Variants in HIVEP2 observed in about 807,000 individuals in gnomAD.
The protein encoded by HIVEP2 is transcription factor HIVEP2.
Under a neutral mutation model 180.7 loss-of-function variants are expected in HIVEP2, and 14 were observed. The observed-to-expected ratio is 0.08, with a 90% CI of 0.05 to 0.12. HIVEP2 has a LOEUF of 0.12. Ranked by LOEUF, HIVEP2 falls within the 10% of genes least tolerant of loss-of-function variation. The pLI, the probability that HIVEP2 is intolerant of heterozygous loss-of-function variation, is 1.00. For missense variants in HIVEP2, 2,579 were observed against 3,008.5 expected (o/e 0.86, Z 3.34); for synonymous variants, 1,184 against 1,136.4 (o/e 1.04, Z -0.84).
intron 9 of HIVEP2, among the ~76,000 whole-genome samples, chr6:142,758,958 C>T (rs970744972): frequency 6.6e-6 from 1 of 152,054 alleles, no homozygotes; most frequent in African/African-American, 2.4e-5. Context: ...CTGGCCCTGA[C>T]CAGTTTCACA....
intron 1 of HIVEP2, among the ~76,000 whole-genome samples, chr6:142,840,255 C>G (rs974524864): frequency 3.3e-5 from 5 of 152,024 alleles, no homozygotes; most frequent in African/African-American, 1.2e-4. Context: ...TCTTGAAAAG[C>G]CCTCCCCTTG....
intron 3 of HIVEP2, among the ~76,000 whole-genome samples, chr6:142,781,973 G>A (rs1047695306): frequency 6.6e-6 from 1 of 152,144 alleles, no homozygotes; most frequent in Non-Finnish European, 1.5e-5. Context: ...CCTTACCTCA[G>A]GAAATTAATC....
chr6:142,769,517 C>T (rs369365828), intron 5 of HIVEP2, 35 bp downstream of exon 5: 5 of 1,567,016 alleles, frequency 3.2e-6, no homozygotes, highest in African/African-American at 2.7e-5. Flanking sequence ...ATCAAATCCA[C>T]AATACAAAGT....
At chr6:142,933,001 G>A (rs990988819) in intron 1 of HIVEP2, among the ~76,000 whole-genome samples, 11 of 152,084 alleles carry the variant, frequency 7.2e-5, no homozygotes, top group African/African-American at 2.4e-4. Flanking sequence ...CCTAAATAAG[G>A]CATCATTGCA....
chr6:142,787,426 C>T (rs967791068), intron 2 of HIVEP2, among the ~76,000 whole-genome samples: 1 of 151,984 alleles, frequency 6.6e-6, no homozygotes, highest in Admixed American at 6.5e-5. Flanking sequence ...AGAAGAGACA[C>T]TTTACTCTTA....
chr6:142,781,627 C>A lies in HIVEP2; in HGVS notation c.-433+1894G>T, dbSNP rs150180730. Among the ~76,000 whole-genome samples the A allele has an allele frequency of 7.6e-4, 115 of 152,258 alleles. 1 individual carries two copies. Among genetic ancestry groups the A allele is most frequent in the African/African-American group, 2.7e-3 (113 of 41,546 alleles). On this transcript the variant is annotated intron_variant, in intron 3 of 9. Coordinates refer to ENST00000367603, the MANE Select transcript of HIVEP2 (RefSeq NM_006734.4). ...AGAGATTACCTCTGCATGGCTATTT[C>A]AGTGGTAATGGAACTAAAGGAACTG...
intron 2 of HIVEP2, among the ~76,000 whole-genome samples, chr6:142,825,362 T>C (rs1324452581): frequency 6.6e-6 from 1 of 151,916 alleles, no homozygotes; most frequent in African/African-American, 2.4e-5. Context: ...CAGTGAAGGG[T>C]TGAGTTGCTT....
intron 1 of HIVEP2, among the ~76,000 whole-genome samples, chr6:142,875,644 A>C (rs1179615991): frequency 6.6e-6 from 1 of 152,144 alleles, no homozygotes; most frequent in African/African-American, 2.4e-5. Context: ...TACTGGATTA[A>C]ATGTGAGTCT....
intron 1 of HIVEP2, among the ~76,000 whole-genome samples, chr6:142,921,159 C>T (rs1466734562): frequency 6.6e-6 from 1 of 152,186 alleles, no homozygotes; most frequent in African/African-American, 2.4e-5. Flanking sequence ...AGCAGTGTGA[C>T]AAGATATTTA....
intron 2 of HIVEP2, among the ~76,000 whole-genome samples, chr6:142,796,493 G>A (rs185108240): frequency 3.3e-5 from 5 of 152,194 alleles, no homozygotes; most frequent in Middle Eastern, 3.4e-3. Context: ...AAAATCATAA[G>A]GAAGTGAAAA....
chr6:142,839,799 A>G (rs1040093333), intron 1 of HIVEP2, among the ~76,000 whole-genome samples: 2 of 152,110 alleles, frequency 1.3e-5, no homozygotes, highest in Admixed American at 6.6e-5. Flanking sequence ...ATAGACCTAA[A>G]TAACTCTTTT....
In HIVEP2 at chr6:142,769,991, T is replaced by C. The variant is rs1426254871; in HGVS notation, c.4748A>G (p.Gln1583Arg). The C allele has an allele frequency of 6.2e-7, 1 of 1,614,134 alleles. No homozygotes were observed. The highest frequency in any genetic ancestry group is 8.5e-7 in the Non-Finnish European group (1 of 1,180,042). ...ETASDMSMSP[Q>R]SSSLPAGDGQ... ...ATCTCCTGCTGGTAATGAAGAACTC[T>C]GTGGGCTCATGCTCATGTCCGATGC... is the stretch of plus-strand genomic sequence containing the variant. The change falls in exon 5 of 10, where the codon CAG becomes CGG. Residue 1583 changes from glutamine to arginine, a missense_variant. Physicochemically the swap from Gln to Arg is conservative, Grantham distance 43. Transcript: ENST00000367603.
chr6:142,918,039 C>T (rs1423888807), intron 1 of HIVEP2, among the ~76,000 whole-genome samples: 1 of 152,120 alleles, frequency 6.6e-6, no homozygotes, highest in Admixed American at 6.5e-5. Context: ...TCCCAAAGTG[C>T]TGGGATTATA....
At position 142,776,533 on chromosome 6, in the gene HIVEP2, T is replaced by C. The variant is rs564751031; in HGVS notation, c.-432-342A>G. On this transcript the variant is annotated intron_variant, in intron 3 of 9. Coordinates refer to ENST00000367603, the MANE Select transcript of HIVEP2 (RefSeq NM_006734.4). ...TTAAAAGTTGAGATACAGGCGTTTT[T>C]TGTTTTGTTTTTTTTGAGATAGAGT... is the stretch of plus-strand genomic sequence containing the variant. 2.6e-3 allele frequency among the ~76,000 whole-genome samples: 259 copies of C among 100,294 alleles called. 3 individuals carry two copies. The highest frequency in any genetic ancestry group is 8.6e-3 in the African/African-American group (238 of 27,792). 65.8% of individuals were successfully genotyped at this position (100,294 alleles called of 152,430 possible). A position where few individuals can be genotyped will look rare whatever the true frequency, so the allele number is the denominator to read the frequency against.
Position 142,773,749 on chromosome 6 carries a change from G to A in HIVEP2, c.990C>T (p.Ile330=), listed in dbSNP as rs1582845932. The A allele has an allele frequency of 1.2e-6, 2 of 1,613,978 alleles. No individual in the cohort carries two copies. The highest frequency in any genetic ancestry group is 1.7e-6 in the Non-Finnish European group (2 of 1,180,004). ...TAGGGAGAGGAATCCCACTTTTAGG[G>A]ATAATCAAAATCGGCACCTTCATTG... ...GGPMKVPILI[I]PKSGIPLPNE... The change falls in exon 5 of 10, where the codon ATC becomes ATT. Residue 330 remains isoleucine, a synonymous_variant. Transcript: ENST00000367603.
At chr6:142,814,162 CAT>C (rs755539368) in intron 2 of HIVEP2, among the ~76,000 whole-genome samples, 2 of 151,964 alleles carry the variant, frequency 1.3e-5, no homozygotes, top group African/African-American at 4.8e-5. Flanking sequence ...TGTCTTGAAA[CAT>C]GTGCAGAAGT....
intron 1 of HIVEP2, among the ~76,000 whole-genome samples, chr6:142,880,398 C>T (rs1009223358): frequency 3.3e-5 from 5 of 152,144 alleles, no homozygotes; most frequent in African/African-American, 1.2e-4. Context: ...TTGGACCCTC[C>T]CAGTGGAGAC....
chr6:142,860,539 G>A (rs1254113449), intron 1 of HIVEP2, among the ~76,000 whole-genome samples: 1 of 152,160 alleles, frequency 6.6e-6, no homozygotes. Context: ...CCCTGAGCTT[G>A]TTTTCCTGCA....
chr6:142,827,897 G>A (rs982218146), intron 2 of HIVEP2, among the ~76,000 whole-genome samples: 1 of 152,180 alleles, frequency 6.6e-6, no homozygotes, highest in Non-Finnish European at 1.5e-5. Flanking sequence ...GCCCATTAAG[G>A]AGAAGTCACA....
Sources: gnomAD v4.1 joint callset for allele counts (sites outside exome capture counted in the v4.1 genomes callset) on GRCh38, gnomAD v4.1.1 for gene constraint, MANE v1.5 for transcripts, NCBI Gene and HGNC (gene_info 2026-07-23, HGNC 2026-07-21) for gene names.